ARID1B: variants seen among roughly 807,000 people sequenced by gnomAD.
ARID1B encodes AT-rich interaction domain 1B, also known as AT-rich interactive domain-containing protein 1B.
Under a neutral mutation model 212.3 loss-of-function variants are expected in ARID1B, and 30 were observed. The ratio of observed to expected loss-of-function variants is 0.14; its 90% CI spans 0.11 to 0.19. The LOEUF (loss-of-function observed/expected upper bound fraction) is 0.19, where lower values mean the gene tolerates loss of function less well. Among genes scored for constraint, ARID1B ranks in the 10% least tolerant of loss-of-function variants. The pLI is 1.00. For synonymous variants in ARID1B, 1,402 were observed against 1,301.7 expected (o/e 1.08, Z -1.66); for missense variants, 2,891 against 3,204.0 (o/e 0.90, Z 2.36).
chr6:156,920,605 A>G (rs1790702887), intron 3 of ARID1B, among the ~76,000 whole-genome samples: 1 of 152,184 alleles, frequency 6.6e-6, no homozygotes, highest in African/African-American at 2.4e-5. Context: ...ATGTAGCATT[A>G]TTTTTAGCAT....
chr6:156,858,899 A>G (rs1051584987), intron 2 of ARID1B, among the ~76,000 whole-genome samples: 2 of 152,224 alleles, frequency 1.3e-5, no homozygotes, highest in African/African-American at 2.4e-5. Context: ...TTAACTGTGC[A>G]TGGAGCTTGC....
At chr6:157,122,763 C>T (rs1474699316) in intron 6 of ARID1B, among the ~76,000 whole-genome samples, 1 of 152,182 alleles carries the variant, frequency 6.6e-6, no homozygotes, top group Non-Finnish European at 1.5e-5. Context: ...ACTGCAACCT[C>T]TGCCTCCCAG....
At chr6:157,070,297 G>A (rs1333478083) in intron 4 of ARID1B, among the ~76,000 whole-genome samples, 1 of 151,568 alleles carries the variant, frequency 6.6e-6, no homozygotes, top group African/African-American at 2.4e-5. Context: ...ATGAAATCAG[G>A]TCTTCAGATC....
chr6:156,931,856 G>A (rs1791748247), intron 3 of ARID1B, among the ~76,000 whole-genome samples: 1 of 151,600 alleles, frequency 6.6e-6, no homozygotes, highest in African/African-American at 2.4e-5. Flanking sequence ...CAGCTACTCG[G>A]GAGGCTGAGG....
chr6:156,897,620 A>ATT (rs201579910), intron 2 of ARID1B, among the ~76,000 whole-genome samples: 84 of 150,120 alleles, frequency 5.6e-4, no homozygotes, highest in African/African-American at 2.0e-3. Flanking sequence ...GATCTGAGGC[A>ATT]TTTTTTTTTG....
chr6:157,038,366 A>AT (rs1360762780), intron 4 of ARID1B, among the ~76,000 whole-genome samples: 3 of 152,034 alleles, frequency 2.0e-5, no homozygotes, highest in Admixed American at 6.6e-5. Flanking sequence ...ATATTTTACC[A>AT]TTTTTTTATC....
intron 8 of ARID1B, among the ~76,000 whole-genome samples, chr6:157,152,980 G>A (rs1329026731): frequency 1.3e-5 from 2 of 152,212 alleles, no homozygotes; most frequent in Non-Finnish European, 2.9e-5. Flanking sequence ...TGGAGCGTGA[G>A]TGAGTGTGTG....
intron 3 of ARID1B, among the ~76,000 whole-genome samples, chr6:156,911,155 A>T (rs1789837323): frequency 6.6e-6 from 1 of 152,190 alleles, no homozygotes; most frequent in Non-Finnish European, 1.5e-5. Context: ...GTCAGTGGTG[A>T]TGTCATCTTT....
intron 2 of ARID1B, among the ~76,000 whole-genome samples, chr6:156,834,282 A>T (rs1335479937): frequency 6.6e-6 from 1 of 152,164 alleles, no homozygotes; most frequent in African/African-American, 2.4e-5. Context: ...AAGAGCCTAG[A>T]CTTCCTATGT....
intron 7 of ARID1B, among the ~76,000 whole-genome samples, chr6:157,133,492 T>C (rs963467179): frequency 1.3e-5 from 2 of 152,182 alleles, no homozygotes; most frequent in African/African-American, 4.8e-5. Flanking sequence ...TTCTGTGACG[T>C]GGTTCTAAAC....
At chr6:156,976,638 C>T (rs566653189) in intron 4 of ARID1B, among the ~76,000 whole-genome samples, 1 of 152,250 alleles carries the variant, frequency 6.6e-6, no homozygotes, top group East Asian at 1.9e-4. Context: ...CCTTCTGGGT[C>T]CCCTTCCACC....
At chr6:157,083,969 A>C (rs747890740) in intron 4 of ARID1B, among the ~76,000 whole-genome samples, 1 of 151,422 alleles carries the variant, frequency 6.6e-6, no homozygotes, top group Non-Finnish European at 1.5e-5. Flanking sequence ...CCCCGTCTCT[A>C]TTAAAAATAC....
At chr6:157,107,683 G>A (rs940900372) in intron 5 of ARID1B, 2 of 152,106 alleles carry the variant, frequency 1.3e-5, no homozygotes, top group African/African-American at 4.8e-5. Flanking sequence ...CATCATAATA[G>A]ACATTGCTGA....
At chr6:157,149,403 G>A (rs1343185495) in intron 8 of ARID1B, 2 of 178,962 alleles carry the variant, frequency 1.1e-5, no homozygotes, top group East Asian at 1.2e-4. Context: ...AACTTCGTAT[G>A]TATACATACG....
intron 2 of ARID1B, among the ~76,000 whole-genome samples, chr6:156,869,916 T>G (rs1785989357): frequency 6.6e-6 from 1 of 151,110 alleles, no homozygotes; most frequent in Admixed American, 6.6e-5. Flanking sequence ...AATAATGTTC[T>G]AATCCTCATA....
At chr6:157,182,277 T>C (rs1792602553) in intron 12 of ARID1B, among the ~76,000 whole-genome samples, 1 of 152,072 alleles carries the variant, frequency 6.6e-6, no homozygotes. Flanking sequence ...TTTTAAAAAA[T>C]AGAATAATGC....
At chr6:157,077,209 T>C (rs1397372655) in intron 4 of ARID1B, among the ~76,000 whole-genome samples, 1 of 152,224 alleles carries the variant, frequency 6.6e-6, no homozygotes, top group Admixed American at 6.5e-5. Context: ...GCTAAAAATA[T>C]ACAGATTTTT....
In ARID1B at chr6:156,996,702, GAA is replaced by G. The variant is rs773418383; in HGVS notation, c.2247+61127_2247+61128del. 4.2e-4 allele frequency among the ~76,000 whole-genome samples: 64 copies of G among 152,252 alleles called. 1 individual carries two copies. Among genetic ancestry groups the G allele is most frequent in the Non-Finnish European group, 6.0e-4 (41 of 68,008 alleles). On this transcript the variant is annotated intron_variant, in intron 4 of 19. Coordinates refer to ENST00000636930, the MANE Select transcript of ARID1B (RefSeq NM_001374828.1). ...AGTTTTATCAAGTTTTATAAAAAAA[GAA>G]TGTGAATTTTAACCCATATTAATAC... is the stretch of plus-strand genomic sequence containing the variant.
chr6:156,840,029 G>C (rs1191537392), intron 2 of ARID1B, among the ~76,000 whole-genome samples: 1 of 152,214 alleles, frequency 6.6e-6, no homozygotes, highest in Non-Finnish European at 1.5e-5. Flanking sequence ...AGGGAACACA[G>C]AATTGTTCTC....
Sources: allele counts gnomAD v4.1 joint callset (sites outside exome capture counted in the v4.1 genomes callset), GRCh38; gene constraint gnomAD v4.1.1; transcripts MANE v1.5; gene names NCBI Gene and HGNC (gene_info 2026-07-23, HGNC 2026-07-21).